CSNK1G3: variants seen among roughly 807,000 people sequenced by gnomAD.
CSNK1G3 encodes the protein casein kinase I isoform gamma-3.
Under a neutral mutation model 64.3 loss-of-function variants are expected in CSNK1G3, and 23 were observed. That is an observed-to-expected ratio of 0.36 (90% confidence interval 0.26 to 0.51). CSNK1G3 has a LOEUF of 0.51. CSNK1G3 is among the 20% of genes least tolerant of loss of function. CSNK1G3 has a pLI of 0.96. For missense variants in CSNK1G3, 357 were observed against 510.5 expected (o/e 0.70, Z 2.90); for synonymous variants, 158 against 162.2 (o/e 0.97, Z 0.20).
intron 1 of CSNK1G3, among the ~76,000 whole-genome samples, chr5:123,517,243 C>T (rs1777334182): frequency 6.6e-6 from 1 of 152,196 alleles, no homozygotes; most frequent in South Asian, 2.1e-4. Context: ...GACTGATGCT[C>T]ATGCTACATT....
chr5:123,541,926 A>G (rs1781738408), intron 1 of CSNK1G3, among the ~76,000 whole-genome samples: 1 of 151,728 alleles, frequency 6.6e-6, no homozygotes, highest in Non-Finnish European at 1.5e-5. Flanking sequence ...AGTAATGTTT[A>G]GTCTTCCATT....
At chr5:123,613,316 C>CTGGG (rs1017661751) in intron 12 of CSNK1G3, among the ~76,000 whole-genome samples, 3 of 151,822 alleles carry the variant, frequency 2.0e-5, no homozygotes, top group Non-Finnish European at 4.4e-5. Flanking sequence ...GTCACACAGA[C>CTGGG]TGGGGTTCAG....
At chr5:123,512,965 C>G (rs894348397) in intron 1 of CSNK1G3, among the ~76,000 whole-genome samples, 2 of 151,954 alleles carry the variant, frequency 1.3e-5, no homozygotes, top group African/African-American at 4.8e-5. Flanking sequence ...CCACGGTGCT[C>G]CTTGACTGTG....
At chr5:123,567,118 A>G (rs569666200) in intron 4 of CSNK1G3, among the ~76,000 whole-genome samples, 1 of 152,302 alleles carries the variant, frequency 6.6e-6, no homozygotes, top group African/African-American at 2.4e-5. Flanking sequence ...GCAAACTCCC[A>G]TTTTTAAAGC....
At chr5:123,593,411 T>C (rs1019594383) in intron 10 of CSNK1G3, among the ~76,000 whole-genome samples, 9 of 152,056 alleles carry the variant, frequency 5.9e-5, no homozygotes, top group African/African-American at 1.9e-4. Context: ...CAGAGGAAGA[T>C]AGATTATGTC....
intron 1 of CSNK1G3, among the ~76,000 whole-genome samples, chr5:123,522,004 T>G (rs1778193420): frequency 6.6e-6 from 1 of 152,216 alleles, no homozygotes; most frequent in Non-Finnish European, 1.5e-5. Flanking sequence ...TGAAAATAAC[T>G]AATTTCTCCT....
chr5:123,586,642 C>T (rs887022940), intron 6 of CSNK1G3, among the ~76,000 whole-genome samples: 2 of 152,082 alleles, frequency 1.3e-5, no homozygotes, highest in African/African-American at 4.8e-5. Context: ...AATCTTGTAG[C>T]CTTAATGACT....
chr5:123,608,675 C>T (rs1795785029), intron 12 of CSNK1G3, among the ~76,000 whole-genome samples: 1 of 152,058 alleles, frequency 6.6e-6, no homozygotes, highest in Non-Finnish European at 1.5e-5. Flanking sequence ...AACTTTTATA[C>T]AATGGTTCTC....
intron 10 of CSNK1G3, among the ~76,000 whole-genome samples, chr5:123,594,786 A>G (rs1561598573): frequency 6.6e-6 from 1 of 152,050 alleles, no homozygotes; most frequent in East Asian, 1.9e-4. Context: ...AGAGTCTGTG[A>G]TTTCTAAAGT....
chr5:123,580,025 A>G (rs375022037), intron 6 of CSNK1G3, among the ~76,000 whole-genome samples: 1 of 152,046 alleles, frequency 6.6e-6, no homozygotes, highest in African/African-American at 2.4e-5. Flanking sequence ...TATGGAATAC[A>G]TAGCGGTGTT....
intron 4 of CSNK1G3, among the ~76,000 whole-genome samples, chr5:123,568,112 T>G (rs1365013854): frequency 6.6e-6 from 1 of 152,194 alleles, no homozygotes; most frequent in East Asian, 1.9e-4. Context: ...GGCTGTGCAA[T>G]GTGCGGTCGG....
At chr5:123,594,542 G>T (rs185631483) in intron 10 of CSNK1G3, among the ~76,000 whole-genome samples, 81 of 152,218 alleles carry the variant, frequency 5.3e-4, no homozygotes, top group Admixed American at 3.1e-3. Context: ...ATCAGAAATG[G>T]GGGACTAAGC....
chr5:123,525,764 C>T (rs1328491993), intron 1 of CSNK1G3, among the ~76,000 whole-genome samples: 1 of 151,866 alleles, frequency 6.6e-6, no homozygotes, highest in Non-Finnish European at 1.5e-5. Flanking sequence ...GAGGCTGAGG[C>T]GGGCGGATCA....
At chr5:123,568,470 C>G (rs1197970735) in intron 4 of CSNK1G3, among the ~76,000 whole-genome samples, 1 of 152,158 alleles carries the variant, frequency 6.6e-6, no homozygotes, top group Non-Finnish European at 1.5e-5. Context: ...GATGACACTT[C>G]AAAATGATGT....
intron 6 of CSNK1G3, among the ~76,000 whole-genome samples, chr5:123,578,461 C>T (rs929525267): frequency 6.6e-6 from 1 of 151,746 alleles, no homozygotes; most frequent in Non-Finnish European, 1.5e-5. Context: ...AAGTGTGTGT[C>T]ATTTCATTGT....
At chr5:123,559,000 G>A (rs868862036) in intron 4 of CSNK1G3, among the ~76,000 whole-genome samples, 1 of 152,156 alleles carries the variant, frequency 6.6e-6, no homozygotes, top group Non-Finnish European at 1.5e-5. Context: ...CTTCTTAAGA[G>A]ATTCTGGAGG....
intron 5 of CSNK1G3, among the ~76,000 whole-genome samples, chr5:123,574,624 C>T (rs1788789727): frequency 6.6e-6 from 1 of 151,402 alleles, no homozygotes. Context: ...AGTTCAAGAT[C>T]AATCTGGGCA....
chr5:123,582,465 A>T (rs1378125604), intron 6 of CSNK1G3, among the ~76,000 whole-genome samples: 1 of 152,156 alleles, frequency 6.6e-6, no homozygotes, highest in Non-Finnish European at 1.5e-5. Flanking sequence ...TATATGAAAC[A>T]TGGACACAGA....
intron 4 of CSNK1G3, among the ~76,000 whole-genome samples, chr5:123,569,073 G>C (rs181466680): frequency 1.4e-3 from 206 of 152,294 alleles, no homozygotes; most frequent in Non-Finnish European, 2.0e-3. Flanking sequence ...CTTAGAGTTG[G>C]TGGATTTTTA....
Sources: allele counts gnomAD v4.1 joint callset (sites outside exome capture counted in the v4.1 genomes callset), GRCh38; gene constraint gnomAD v4.1.1; transcripts MANE v1.5; gene names NCBI Gene and HGNC (gene_info 2026-07-23, HGNC 2026-07-21).